KMT2C: variants seen among roughly 807,000 people sequenced by gnomAD.
The protein encoded by KMT2C is lysine methyltransferase 2C, also known as histone-lysine N-methyltransferase 2C.
A neutral mutation model predicts 507.9 loss-of-function variants in KMT2C; 88 were observed. The ratio of observed to expected loss-of-function variants is 0.17; its 90% CI spans 0.15 to 0.21. The LOEUF (loss-of-function observed/expected upper bound fraction) is 0.21. Among genes scored for constraint, KMT2C ranks in the 10% least tolerant of loss-of-function variants. KMT2C has a pLI of 1.00. For missense variants in KMT2C, 4,954 were observed against 5,957.8 expected (o/e 0.83, Z 5.55); for synonymous variants, 2,049 against 2,080.8 (o/e 0.98, Z 0.42).
intron 6 of KMT2C, among the ~76,000 whole-genome samples, chr7:152,289,400 T>C (rs2096366241): frequency 6.6e-6 from 1 of 152,250 alleles, no homozygotes; most frequent in South Asian, 2.1e-4. Context: ...ACACATCTTT[T>C]AATTATCTAT....
At chr7:152,307,195 G>GAGGA (rs565184971) in intron 6 of KMT2C, among the ~76,000 whole-genome samples, 3,926 of 64,586 alleles carry the variant, frequency 0.061, 118 homozygotes, top group East Asian at 0.12. Context: ...AAAGAAGAGG[G>GAGGA]AGGAAGGAAG....
At chr7:152,322,065 A>T (rs1391147165) in intron 3 of KMT2C, among the ~76,000 whole-genome samples, 2 of 151,862 alleles carry the variant, frequency 1.3e-5, no homozygotes, top group African/African-American at 4.8e-5. Flanking sequence ...CACCAAAAAA[A>T]AAAAAACCAT....
At chr7:152,425,426 A>T (rs889862171) in intron 1 of KMT2C, among the ~76,000 whole-genome samples, 1 of 152,112 alleles carries the variant, frequency 6.6e-6, no homozygotes, top group African/African-American at 2.4e-5. Flanking sequence ...AAATAGAAAA[A>T]TTAGCCAGGC....
chr7:152,268,791 C>T (rs2095905814), intron 7 of KMT2C, among the ~76,000 whole-genome samples: 1 of 152,142 alleles, frequency 6.6e-6, no homozygotes, highest in Non-Finnish European at 1.5e-5. Context: ...CCTAGGAACA[C>T]TAAAATGCTT....
intron 26 of KMT2C, among the ~76,000 whole-genome samples, chr7:152,201,728 A>C (rs1235039952): frequency 6.6e-6 from 1 of 151,926 alleles, no homozygotes; most frequent in Non-Finnish European, 1.5e-5. Flanking sequence ...CCTAGGATAT[A>C]AGAGATTGAG....
intron 32 of KMT2C, 100 bp downstream of exon 32, chr7:152,187,615 T>C: frequency 1.8e-5 from 26 of 1,459,558 alleles, no homozygotes; most frequent in Non-Finnish European, 2.3e-5. Flanking sequence ...AAACGCAACA[T>C]ACAATAATAT....
chr7:152,302,806 T>TAA (rs1271806152), intron 6 of KMT2C, among the ~76,000 whole-genome samples: 3 of 151,924 alleles, frequency 2.0e-5, no homozygotes, highest in African/African-American at 7.3e-5. Context: ...CACACACGGT[T>TAA]AATTTTTATA....
At position 152,309,839 on chromosome 7, in the gene KMT2C, AAATTAAT is replaced by A. The variant is rs2096654861; in HGVS notation, c.849+120_849+126del. 5 of 655,854 alleles carry A rather than the reference AAATTAAT, an allele frequency of 7.6e-6. No individual in the cohort carries two copies. In the African/African-American group the frequency reaches 9.3e-5, roughly 12 times the overall value. 40.6% of individuals were successfully genotyped at this position (655,854 alleles called of 1,614,324 possible). A position where few individuals can be genotyped will look rare whatever the true frequency, so the allele number is the denominator to read the frequency against. On this transcript the variant is annotated intron_variant, in intron 6 of 58. Transcript: ENST00000262189. ...CCTGGCCTAGAATTTCTCTTAATAA[AAATTAAT>A]AATTTCCTATTTTGAGAGCTTTTAC...
At chr7:152,362,198 C>T (rs2097202617) in intron 1 of KMT2C, among the ~76,000 whole-genome samples, 1 of 152,008 alleles carries the variant, frequency 6.6e-6, no homozygotes, top group Non-Finnish European at 1.5e-5. Flanking sequence ...TGTAAGGAGC[C>T]ACTTTAGCAC....
intron 27 of KMT2C, among the ~76,000 whole-genome samples, chr7:152,197,603 G>T (rs999886364): frequency 1.7e-4 from 26 of 152,072 alleles, no homozygotes; most frequent in African/African-American, 5.8e-4. Context: ...TTTTTTAGGA[G>T]TCATATAGCA....
At chr7:152,310,754 G>C (rs2096664527) in intron 5 of KMT2C, among the ~76,000 whole-genome samples, 1 of 152,014 alleles carries the variant, frequency 6.6e-6, no homozygotes, top group African/African-American at 2.4e-5. Context: ...CATGAACACA[G>C]CTCACTGCAG....
chr7:152,187,494 T>TCTTTA lies in KMT2C; in HGVS notation c.4794-23_4794-19dup. 1 of 1,591,426 alleles carries TCTTTA rather than the reference T, an allele frequency of 6.3e-7. No homozygotes were observed. The highest frequency in any genetic ancestry group is 8.6e-7 in the Non-Finnish European group (1 of 1,160,174). Reference sequence around the variant, plus strand: ...TTTTATCCCTGGGAAAAAATAAATATCTTTACTTTATGAACATAAAATAAC... The same window carrying TCTTTA: ...TTTTATCCCTGGGAAAAAATAAATATCTTTACTTTACTTTATGAACATAAAATAAC... On this transcript the variant is annotated intron_variant, in intron 32 of 58. Transcript: ENST00000262189.
rs538062489 is a variant in KMT2C at position 152,289,584 on chromosome 7, A to G, written c.850-15717T>C. Among the ~76,000 whole-genome samples, 8 of 152,336 alleles carry G rather than the reference A, an allele frequency of 5.3e-5. No homozygotes were observed. In the East Asian group the frequency reaches 9.6e-4, roughly 18 times the overall value. On this transcript the variant is annotated intron_variant, in intron 6 of 58. Transcript: ENST00000262189. The stretch of plus-strand genomic sequence containing the variant: ...AATTATTAAAACTTGATTATCTAAC[A>G]TATTTCTTGAAAAAAGGAATAAAGT...
In KMT2C at chr7:152,265,112, G is replaced by A. The variant is rs1355996364; in HGVS notation, c.1110C>T (p.Cys370=). 6.2e-7 allele frequency: 1 copy of A among 1,613,840 alleles called. No homozygotes were observed. Among genetic ancestry groups the A allele is most frequent in the Non-Finnish European group, 8.5e-7 (1 of 1,179,842 alleles). Residue 370 remains cysteine, a synonymous_variant, in exon 8 of 59, where the codon TGC becomes TGT. Coordinates refer to ENST00000262189, the MANE Select transcript of KMT2C (RefSeq NM_170606.3). ...TTAATGGAGTAACCGCTATATCCAG[G>A]CACATTCCATGATAGTGCTGACCAC... ...TTCGQHYHGM[C]LDIAVTPLKR...
chr7:152,430,853 GA>G (rs1242703003), intron 1 of KMT2C, among the ~76,000 whole-genome samples: 1 of 152,078 alleles, frequency 6.6e-6, no homozygotes, highest in East Asian at 1.9e-4. Flanking sequence ...TTTATAACTG[GA>G]AACTGACCAA....
intron 2 of KMT2C, among the ~76,000 whole-genome samples, chr7:152,339,026 ACTT>A (rs2096965116): frequency 6.6e-6 from 1 of 152,252 alleles, no homozygotes; most frequent in African/African-American, 2.4e-5. Flanking sequence ...AAGGTTAAAT[ACTT>A]CTTTGAAAGG....
intron 1 of KMT2C, among the ~76,000 whole-genome samples, chr7:152,418,141 T>C (rs1250698855): frequency 1.3e-5 from 2 of 150,736 alleles, no homozygotes; most frequent in African/African-American, 2.4e-5. Flanking sequence ...GGATTCACCA[T>C]GTTGGCCAGG....
intron 58 of KMT2C, 86 bp from the exon 59 acceptor site, chr7:152,137,010 C>A: frequency 9.8e-7 from 1 of 1,017,342 alleles, no homozygotes; most frequent in Non-Finnish European, 1.5e-6. Context: ...ATTTTAAAAC[C>A]AGCAAACGAA....
At chr7:152,195,876 C>G (rs549503191) in intron 28 of KMT2C, 31 bp downstream of exon 28, 15 of 1,285,818 alleles carry the variant, frequency 1.2e-5, no homozygotes, top group Admixed American at 1.9e-5. Context: ...CATCAGAAAC[C>G]AGAAAAAGGG....
Sources: allele counts gnomAD v4.1 joint callset (sites outside exome capture counted in the v4.1 genomes callset), GRCh38; gene constraint gnomAD v4.1.1; transcripts MANE v1.5; gene names NCBI Gene and HGNC (gene_info 2026-07-23, HGNC 2026-07-21).